The following ARHGEF1 variants were observed in gnomAD, a reference collection of about 807,000 sequenced individuals.
ARHGEF1 encodes the protein Rho guanine nucleotide exchange factor 1.
Under a neutral mutation model 119.7 loss-of-function variants are expected in ARHGEF1, and 40 were observed. The observed-to-expected ratio is 0.33, with a 90% CI of 0.26 to 0.44. ARHGEF1 has a LOEUF of 0.44. Among genes scored for constraint, ARHGEF1 ranks in the 20% least tolerant of loss-of-function variants. The pLI is 1.00. For missense variants in ARHGEF1, 976 were observed against 1,268.3 expected, an observed-to-expected ratio of 0.77 and a Z score of 3.50; for synonymous variants, 494 against 521.0, an observed-to-expected ratio of 0.95 and a Z score of 0.71.
At chr19:41,884,549 G>A (rs1555844948) in intron 1 of ARHGEF1, 2 of 1,594,054 alleles carry the variant, frequency 1.3e-6, no homozygotes, top group East Asian at 4.5e-5. Flanking sequence ...GTCCTCCCCG[G>A]CATCCCTGGC....
chr19:41,913,003 C>G (rs1265034890), intron 18 of ARHGEF1: 3 of 690,498 alleles, frequency 4.3e-6, no homozygotes, highest in Non-Finnish European at 6.1e-6. Flanking sequence ...GCCAGCGGGG[C>G]GCTGCCCGGG....
Position 41,907,247 on chromosome 19 carries a change from T to C in ARHGEF1, c.*160T>C. The C allele has an allele frequency of 6.6e-7, 1 of 1,521,704 alleles. No individual in the cohort carries two copies. Among genetic ancestry groups the C allele is most frequent in the Non-Finnish European group, 8.8e-7 (1 of 1,138,856 alleles). 94.3% of individuals were successfully genotyped at this position (1,521,704 alleles called of 1,614,324 possible). On this transcript the variant is annotated 3_prime_UTR_variant, in exon 29 of 29. Coordinates refer to ENST00000354532, the MANE Select transcript of ARHGEF1 (RefSeq NM_004706.4). ...CTGGGAGGGGCCCAGCTGGGGTTACTGGCCCCGCATGAGCCTCGGCCATCT... is the reference window on the plus strand; with the variant it reads ...CTGGGAGGGGCCCAGCTGGGGTTACCGGCCCCGCATGAGCCTCGGCCATCT...
upstream of ARHGEF1, among the ~76,000 whole-genome samples, chr19:41,920,831 G>A (rs1455381649): frequency 1.3e-5 from 2 of 152,264 alleles, no homozygotes; most frequent in Non-Finnish European, 2.9e-5. Flanking sequence ...ACCCTCGCTT[G>A]AGAGGTGGGG....
At chr19:41,926,204 G>A (rs1329678305) in intron 1 of ARHGEF1, among the ~76,000 whole-genome samples, 1 of 152,008 alleles carries the variant, frequency 6.6e-6, no homozygotes, top group East Asian at 1.9e-4. Flanking sequence ...GGAGGGGCAG[G>A]TAAGAGGGGA....
downstream of ARHGEF1, chr19:41,909,069 G>A: frequency 4.1e-6 from 5 of 1,231,366 alleles, no homozygotes; most frequent in Non-Finnish European, 5.1e-6. The surrounding 1 kb of genome is among the most constrained non-coding windows in gnomAD (Gnocchi z 5.2). Context: ...CCAGAGCCCA[G>A]GAATGGGAAA....
At chr19:41,898,142 C>T in intron 13 of ARHGEF1, 1 of 1,405,992 alleles carries the variant, frequency 7.1e-7, no homozygotes, top group Non-Finnish European at 9.2e-7. Context: ...TTCCCCCATC[C>T]ACTAAGGCAG....
At position 41,903,349 on chromosome 19, in the gene ARHGEF1, G is replaced by C. The variant is rs782733467; in HGVS notation, c.1781G>C (p.Cys594Ser). 5 of 1,613,950 alleles carry C rather than the reference G, an allele frequency of 3.1e-6. 1 individual carries two copies. The highest frequency in any genetic ancestry group is 4.5e-5 in the East Asian group (2 of 44,888). ...GAGAAAGTGGAGCTGGCAGCCGAGTGCTGCCGGGAAATTCTACACCACGTC... is the reference window on the plus strand; with the variant it reads ...GAGAAAGTGGAGCTGGCAGCCGAGTCCTGCCGGGAAATTCTACACCACGTC... The part of the protein sequence containing the change: ...EREKVELAAE[C>S]CREILHHVNQ... The change falls in exon 19 of 29, where the codon TGC (cysteine) becomes TCC (serine). Residue 594 changes from cysteine to serine, a missense_variant. Cys to Ser is a moderately radical substitution (Grantham distance 112, BLOSUM62 -1). Transcript: ENST00000354532. This position sits in a 1 kb window ranked among gnomAD's most constrained non-coding sequence, Gnocchi z 4.2.
chr19:41,919,512 T>TAC (rs60525805), upstream of ARHGEF1, among the ~76,000 whole-genome samples: 28,143 of 146,478 alleles, frequency 0.19, 5,051 homozygotes, highest in African/African-American at 0.48. Context: ...CGTGCACGCG[T>TAC]ACACACACAC....
In ARHGEF1 at chr19:41,893,928, G is replaced by A. The variant is rs12972312; in HGVS notation, c.645-279G>A. 3.4e-3 allele frequency among the ~76,000 whole-genome samples: 477 copies of A among 141,214 alleles called. 2 individuals are homozygous for A. The highest frequency in any genetic ancestry group is 0.013 in the African/African-American group (443 of 34,224). 92.6% of individuals were successfully genotyped at this position (141,214 alleles called of 152,430 possible). ...CTGGACTCCTGGGTCTGAGGGAGGA[G>A]GGGGCTGGGGGCCTGGACTCCTGGG... On this transcript the variant is annotated intron_variant, in intron 8 of 28. Coordinates refer to ENST00000354532, the MANE Select transcript of ARHGEF1 (RefSeq NM_004706.4).
upstream of ARHGEF1, among the ~76,000 whole-genome samples, chr19:41,920,413 G>T (rs1044671539): frequency 7.3e-6 from 1 of 136,600 alleles, no homozygotes; most frequent in East Asian, 2.3e-4. Context: ...CACACTCACA[G>T]ACATGACACA....
In ARHGEF1 at chr19:41,896,608, T is replaced by A. The variant is rs1216740951; in HGVS notation, c.1121+126T>A. 1.9e-5 allele frequency: 15 copies of A among 779,432 alleles called. No individual in the cohort carries two copies. The African/African-American group carries it at 2.2e-4, about 12-fold the overall frequency. The allele number at this position is 779,432 out of a possible 1,614,324, so 48.3% of individuals were successfully genotyped here. On this transcript the variant is annotated intron_variant, in intron 13 of 28. Transcript: ENST00000354532. The stretch of plus-strand genomic sequence containing the variant: ...CTTGCTCCCCATGCTCCTCTGCTGC[T>A]CTCTGGGTCTGGCCATTCCTCTCCC...
intron 13 of ARHGEF1, chr19:41,897,668 T>C: frequency 4.6e-6 from 1 of 218,446 alleles, no homozygotes; most frequent in Non-Finnish European, 8.8e-6. Flanking sequence ...CTCTCCTCTC[T>C]TCTGTTGCAT....
chr19:41,921,980 A>C (rs1254746601), upstream of ARHGEF1, among the ~76,000 whole-genome samples: 32 of 43,042 alleles, frequency 7.4e-4, no homozygotes, highest in Admixed American at 1.2e-3. This position sits in a 1 kb window ranked among gnomAD's most constrained non-coding sequence, Gnocchi z 4.4. Context: ...CCCCTTCCCC[A>C]CCCTTGCCTT....
At position 41,902,332 on chromosome 19, in the gene ARHGEF1, G is replaced by A; in HGVS notation, c.1473G>A (p.Glu491=). ...RRQESGYLIE[E]IGDVLLARFD... The stretch of plus-strand genomic sequence containing the variant: ...AGGAGAGTGGCTACCTCATCGAGGA[G>A]ATCGGAGACGTGCTGCTGGCCCGGG... Residue 491 remains glutamate (E), a synonymous_variant, in exon 16 of 29, where the codon GAG becomes GAA. Coordinates refer to ENST00000354532, the MANE Select transcript of ARHGEF1 (RefSeq NM_004706.4). This position sits in a 1 kb window ranked among gnomAD's most constrained non-coding sequence, Gnocchi z 6.5. 6.2e-7 allele frequency: 1 copy of A among 1,614,120 alleles called. No individual in the cohort carries two copies. Among genetic ancestry groups the A allele is most frequent in the South Asian group, 1.1e-5 (1 of 91,086 alleles).
At position 41,904,340 on chromosome 19, in the gene ARHGEF1, C is replaced by T. The variant is rs782053462; in HGVS notation, c.2118C>T (p.Pro706=). 3.1e-5 allele frequency: 50 copies of T among 1,599,554 alleles called. No homozygotes were observed. Among genetic ancestry groups the T allele is most frequent in the East Asian group, 6.8e-5 (3 of 44,184 alleles). The change falls in exon 22 of 29, where the codon CCC becomes CCT. Residue 706 remains proline (P), a synonymous_variant. Coordinates refer to ENST00000354532, the MANE Select transcript of ARHGEF1 (RefSeq NM_004706.4). The surrounding 1 kb of genome is among the most constrained non-coding windows in gnomAD (Gnocchi z 8.4). ...CCGATGGCAAGACCATGCTGCGGCC[C>T]GTGCTGCGGCTCACCTCCGCCATGA... ...PTPDGKTMLR[P]VLRLTSAMTR...
intron 1 of ARHGEF1, chr19:41,928,639 A>C (rs1190780418): frequency 4.7e-6 from 1 of 213,202 alleles, no homozygotes; most frequent in East Asian, 1.5e-4. Context: ...CGATCGATGG[A>C]ATATAATTTT....
intron 11 of ARHGEF1, 31 bp downstream of exon 11, chr19:41,894,692 T>A: frequency 6.2e-7 from 1 of 1,612,508 alleles, no homozygotes; most frequent in Non-Finnish European, 8.5e-7. Flanking sequence ...GCATCCATAC[T>A]GGGGGCCTGT....
chr19:41,905,972 C>T lies in ARHGEF1; in HGVS notation c.2438C>T (p.Pro813Leu). ...RTERILSDLL[P>L]FCRPGPEGQL... ...GAGAGAATCCTCAGTGACCTCCTGC[C>T]CTTCTGCAGACCAGGCCCCGAGGGC... The change falls in exon 26 of 29, where the codon CCC becomes CTC. Residue 813 changes from proline to leucine, a missense_variant. This residue lies in a region of ARHGEF1 where 171 missense variants were observed against 180.6 expected (regional missense o/e 0.95). Coordinates refer to ENST00000354532, the MANE Select transcript of ARHGEF1 (RefSeq NM_004706.4). This position sits in a 1 kb window ranked among gnomAD's most constrained non-coding sequence, Gnocchi z 6.4. 1.2e-6 allele frequency: 2 copies of T among 1,614,134 alleles called. No homozygotes were observed. The highest frequency in any genetic ancestry group is 1.7e-6 in the Non-Finnish European group (2 of 1,180,026).
chr19:41,907,955 C>T (rs904722977), downstream of ARHGEF1: 30 of 375,282 alleles, frequency 8.0e-5, no homozygotes, highest in African/African-American at 1.9e-4. Context: ...GCAGGCTGGG[C>T]GCCATATTGC....
Sources: gnomAD v4.1 joint callset for allele counts (sites outside exome capture counted in the v4.1 genomes callset) on GRCh38, gnomAD v4.1.1 for gene constraint, gnomAD v4.1.1 regional missense constraint, Gnocchi (gnomAD v3.1) non-coding constraint, MANE v1.5 for transcripts, NCBI Gene and HGNC (gene_info 2026-07-23, HGNC 2026-07-21) for gene names.